Variants in MYOM1 observed in about 807,000 individuals in gnomAD.
The protein encoded by MYOM1 is myomesin-1.
Under a neutral mutation model 205.3 loss-of-function variants are expected in MYOM1, and 164 were observed. The ratio of observed to expected loss-of-function variants is 0.80; its 90% CI spans 0.70 to 0.91. MYOM1 has a LOEUF of 0.91. Ranked by LOEUF, MYOM1 falls within the 40% of genes least tolerant of loss-of-function variation. The pLI, the probability that MYOM1 is intolerant of heterozygous loss-of-function variation, is 0.00. For missense variants in MYOM1, 2,011 were observed against 2,127.3 expected, an observed-to-expected ratio of 0.95 and a Z score of 1.08; for synonymous variants, 772 against 789.4, an observed-to-expected ratio of 0.98 and a Z score of 0.37.
Position 3,135,037 on chromosome 18 carries a change from C to T in MYOM1, c.2210-213G>A. On this transcript the variant is annotated intron_variant, in intron 15 of 37. Coordinates refer to ENST00000356443, the MANE Select transcript of MYOM1 (RefSeq NM_003803.4). This position sits in a 1 kb window ranked among gnomAD's most constrained non-coding sequence, Gnocchi z 4.1. ...GATCTCGGCTCACTGCAGCCCCCAC[C>T]TCCTGGGTTCAGGCAATTTTCCCAC... is the stretch of plus-strand genomic sequence containing the variant. 1 of 474,798 alleles carries T rather than the reference C, an allele frequency of 2.1e-6. No homozygotes were observed. The highest frequency in any genetic ancestry group is 2.4e-5 in the South Asian group (1 of 42,006). 29.4% of individuals were successfully genotyped at this position (474,798 alleles called of 1,614,324 possible). A position where few individuals can be genotyped will look rare whatever the true frequency, so the allele number is the denominator to read the frequency against.
chr18:3,118,153 T>C (rs1329669194), intron 20 of MYOM1, among the ~76,000 whole-genome samples: 1 of 152,202 alleles, frequency 6.6e-6, no homozygotes, highest in Non-Finnish European at 1.5e-5. Context: ...AATTTTTTCA[T>C]CTGTAAAACA....
intron 25 of MYOM1, among the ~76,000 whole-genome samples, chr18:3,098,094 T>C (rs1363155497): frequency 2.0e-5 from 3 of 152,172 alleles, no homozygotes; most frequent in African/African-American, 7.2e-5. Flanking sequence ...TTTCTCCCCA[T>C]TTCTGTCAAT....
At chr18:3,099,070 C>T (rs528754091) in intron 25 of MYOM1, among the ~76,000 whole-genome samples, 11 of 152,160 alleles carry the variant, frequency 7.2e-5, no homozygotes, top group South Asian at 2.1e-4. Context: ...CCTCTCGCTC[C>T]GGCCTCCCAA....
intron 29 of MYOM1, among the ~76,000 whole-genome samples, chr18:3,086,368 T>C (rs182960928): frequency 4.9e-4 from 74 of 150,736 alleles, no homozygotes; most frequent in African/African-American, 1.6e-3. Context: ...ATAGCATCTC[T>C]ATTTCCAGCA....
intron 19 of MYOM1, among the ~76,000 whole-genome samples, chr18:3,120,836 A>G (rs2079679669): frequency 6.6e-6 from 1 of 152,242 alleles, no homozygotes; most frequent in African/African-American, 2.4e-5. Context: ...GGTTGTTGTG[A>G]GGGTAAATAT....
intron 14 of MYOM1, among the ~76,000 whole-genome samples, chr18:3,136,044 A>C (rs1056471032): frequency 6.6e-6 from 1 of 152,116 alleles, no homozygotes; most frequent in Non-Finnish European, 1.5e-5. Context: ...TTTCCCCCAT[A>C]CTGTTCTCGT....
chr18:3,213,163 G>A (rs1192453709), intron 2 of MYOM1, among the ~76,000 whole-genome samples: 1 of 152,196 alleles, frequency 6.6e-6, no homozygotes, highest in East Asian at 1.9e-4. Context: ...GCCTTTGGAA[G>A]CATGCCTCAC....
the MYOM1 span, among the ~76,000 whole-genome samples, chr18:3,229,695 C>T: frequency 4.6e-5 from 7 of 152,156 alleles, no homozygotes; most frequent in Admixed American, 3.3e-4. Flanking sequence ...TGTGGCCGGG[C>T]GCGGTGGCTC....
chr18:3,087,368 G>T (rs2079165899), intron 29 of MYOM1, among the ~76,000 whole-genome samples: 1 of 151,652 alleles, frequency 6.6e-6, no homozygotes, highest in Non-Finnish European at 1.5e-5. Flanking sequence ...GCCCAAAGTG[G>T]ATCTTGTCTC....
chr18:3,149,634 G>A (rs1421334599), intron 12 of MYOM1, among the ~76,000 whole-genome samples: 1 of 152,176 alleles, frequency 6.6e-6, no homozygotes, highest in Non-Finnish European at 1.5e-5. Context: ...GAGAGGGGGT[G>A]CCGATCCTGC....
chr18:3,153,285 T>C (rs555960353), intron 11 of MYOM1, among the ~76,000 whole-genome samples: 21 of 152,204 alleles, frequency 1.4e-4, no homozygotes, highest in Non-Finnish European at 2.9e-4. Flanking sequence ...CTGCTACTTA[T>C]TACCCGCGTG....
chr18:3,236,086 T>C, the MYOM1 span, among the ~76,000 whole-genome samples: 7 of 152,166 alleles, frequency 4.6e-5, no homozygotes, highest in African/African-American at 1.4e-4. Context: ...TTGCAGGCCA[T>C]GGTAAAGCAC....
chr18:3,148,865 A>G (rs954756888), intron 13 of MYOM1, among the ~76,000 whole-genome samples: 14 of 149,212 alleles, frequency 9.4e-5, no homozygotes, highest in African/African-American at 2.8e-4. Flanking sequence ...AAAAAAAAAA[A>G]AAAAAAAGAA....
chr18:3,086,758 T>C (rs192660612), intron 29 of MYOM1, among the ~76,000 whole-genome samples: 1 of 152,336 alleles, frequency 6.6e-6, no homozygotes, highest in East Asian at 1.9e-4. Context: ...GAGTTTCATC[T>C]ACAATGCTTG....
At chr18:3,127,333 G>A (rs1285188962) in intron 18 of MYOM1, among the ~76,000 whole-genome samples, 1 of 91,180 alleles carries the variant, frequency 1.1e-5, no homozygotes, top group African/African-American at 4.3e-5. Context: ...TTTGAGCTGG[G>A]GTTTTGCTCT....
chr18:3,134,431 G>A (rs550145552), intron 16 of MYOM1, among the ~76,000 whole-genome samples: 2 of 151,860 alleles, frequency 1.3e-5, no homozygotes, highest in South Asian at 2.1e-4. Context: ...TGTAAAGATA[G>A]GGTCTCACTG....
Position 3,073,920 on chromosome 18 carries a change from A to G in MYOM1, c.4708+1534T>C, listed in dbSNP as rs185429914. 1.6e-4 allele frequency among the ~76,000 whole-genome samples: 25 copies of G among 152,254 alleles called. No homozygotes were observed. The East Asian group carries it at 3.5e-3, about 21-fold the overall frequency. On this transcript the variant is annotated intron_variant, in intron 36 of 37. Transcript: ENST00000356443. Reference sequence around the variant, plus strand: ...TAAATTCTGCCTGCCTCACCCTTCAATGTGTCCGCATGTCTAATTTTTCCT... The same window carrying G: ...TAAATTCTGCCTGCCTCACCCTTCAGTGTGTCCGCATGTCTAATTTTTCCT...
chr18:3,168,092 A>G (rs1180396185), intron 9 of MYOM1, among the ~76,000 whole-genome samples: 1 of 152,204 alleles, frequency 6.6e-6, no homozygotes, highest in Non-Finnish European at 1.5e-5. Context: ...AAATTTCAAA[A>G]TTATAAAAAG....
At chr18:3,214,907 A>C (rs1270910752) in intron 2 of MYOM1, 27 bp downstream of exon 2, 1 of 1,549,814 alleles carries the variant, frequency 6.5e-7, no homozygotes, top group South Asian at 1.2e-5. Context: ...CTGAGGTTGG[A>C]AGGTTGGAGG....
Sources: allele counts gnomAD v4.1 joint callset (sites outside exome capture counted in the v4.1 genomes callset), GRCh38; gene constraint gnomAD v4.1.1; non-coding constraint Gnocchi (gnomAD v3.1); transcripts MANE v1.5; gene names NCBI Gene and HGNC (gene_info 2026-07-23, HGNC 2026-07-21).